Variants in GUK1 observed in about 807,000 individuals in gnomAD.
GUK1 encodes the protein guanylate kinase.
Under a neutral mutation model 25.2 loss-of-function variants are expected in GUK1, and 18 were observed. The observed-to-expected ratio is 0.71, with a 90% CI of 0.49 to 1.06. GUK1 has a LOEUF of 1.06. Ranked by LOEUF, GUK1 falls within the 50% of genes least tolerant of loss-of-function variation. GUK1 has a pLI of 0.00. For missense variants in GUK1, 261 were observed against 276.7 expected (o/e 0.94, Z 0.40); for synonymous variants, 105 against 117.6 (o/e 0.89, Z 0.69).
rs1172499530 is a variant in GUK1 at position 228,140,346 on chromosome 1, G to GC, written c.-183dup. The GC allele has an allele frequency of 2.0e-6, 3 of 1,525,820 alleles. No homozygotes were observed. The highest frequency in any genetic ancestry group is 2.6e-6 in the Non-Finnish European group (3 of 1,144,428). The allele number at this position is 1,525,820 out of a possible 1,614,324, so 94.5% of individuals were successfully genotyped here. A position where few individuals can be genotyped will look rare whatever the true frequency, so the allele number is the denominator to read the frequency against. ...GCCGGGCTGGCTGCGGCCGCCCTGG[G>GC]CCGGGCCCCACCGGACGGTGAGTAC... On this transcript the variant is annotated 5_prime_UTR_variant, in exon 1 of 9. Transcript: ENST00000312726.
chr1:228,146,819 G>A (rs755984584), intron 4 of GUK1, 23 bp from the exon 4 acceptor site: 1 of 1,543,636 alleles, frequency 6.5e-7, no homozygotes, highest in South Asian at 1.1e-5. Flanking sequence ...TCTGCCCTCT[G>A]GATGGCCCCT....
chr1:228,141,495 C>A, intron 2 of GUK1: 1 of 422,884 alleles, frequency 2.4e-6, no homozygotes, highest in Non-Finnish European at 3.3e-6. Context: ...AGAGCCCAGG[C>A]CCACGTCTGG....
At position 228,140,381 on chromosome 1, in the gene GUK1, G is replaced by A; in HGVS notation, c.-168+18G>A. 1 of 1,495,856 alleles carries A rather than the reference G, an allele frequency of 6.7e-7. No homozygotes were observed. Among genetic ancestry groups the A allele is most frequent in the Non-Finnish European group, 8.9e-7 (1 of 1,127,990 alleles). The allele number at this position is 1,495,856 out of a possible 1,614,324, so 92.7% of individuals were successfully genotyped here. A position where few individuals can be genotyped will look rare whatever the true frequency, so the allele number is the denominator to read the frequency against. ...ACCGGACGGTGAGTACGACAAGCGC[G>A]ATCGCGAGGGTGACTCGGGTCGAGG... On this transcript the variant is annotated intron_variant, in intron 1 of 8. Transcript: ENST00000312726.
In GUK1 at chr1:228,142,202, C is replaced by T. The variant is rs190459854; in HGVS notation, c.-3+914C>T. Among the ~76,000 whole-genome samples the T allele has an allele frequency of 1.3e-4, 20 of 152,396 alleles. No homozygotes were observed. In the East Asian group the frequency reaches 3.9e-3, roughly 29 times the overall value. On this transcript the variant is annotated intron_variant, in intron 2 of 8. Transcript: ENST00000312726. ...GCATCCACTCACTGTCTGCCCTCTG[C>T]ACTCTCTGGCTGGCCAGGGCCCCCA...
rs1210675031 is a variant in GUK1, at chr1:228,147,405, G to C, written c.252-1G>C. 15 of 1,609,296 alleles carry C rather than the reference G, an allele frequency of 9.3e-6. No homozygotes were observed. The highest frequency in any genetic ancestry group is 1.3e-5 in the Non-Finnish European group (15 of 1,178,642). On this transcript the variant is annotated splice_acceptor_variant, in intron 5 of 8. Transcript: ENST00000312726. LOFTEE classifies it high-confidence loss of function. ...CCTGCTGACCTGGCACCTCTCCCCA[G>C]CAAGGTGGCGGTGCAGGCCGTGCAG... is the stretch of plus-strand genomic sequence containing the variant.
rs1055302974 is a variant in GUK1, at chr1:228,144,741, C to T, written c.-2-770C>T. 6 of 984,878 alleles carry T rather than the reference C, an allele frequency of 6.1e-6. No individual in the cohort carries two copies. In the African/African-American group the frequency reaches 1.0e-4, roughly 17 times the overall value. The allele number at this position is 984,878 out of a possible 1,614,324, so 61.0% of individuals were successfully genotyped here. A position where few individuals can be genotyped will look rare whatever the true frequency, so the allele number is the denominator to read the frequency against. On this transcript the variant is annotated intron_variant, in intron 2 of 8. Coordinates refer to ENST00000312726, the MANE Select transcript of GUK1 (RefSeq NM_000858.7). ...CCCAGGCTGACTACAGAGGCTGCAC[C>T]TCAGCAAACAGGTAGGCCCTGTTCT... is the stretch of plus-strand genomic sequence containing the variant.
intron 3 of GUK1, 131 bp from the exon 3 acceptor site, chr1:228,145,895 G>A (rs923868679): frequency 1.8e-5 from 14 of 776,012 alleles, no homozygotes; most frequent in South Asian, 1.4e-4. Context: ...AGGCTCCTGC[G>A]CCTTCCCAGT....
At chr1:228,148,523 T>G in intron 8 of GUK1, 67 bp downstream of exon 7, 1 of 1,411,816 alleles carries the variant, frequency 7.1e-7, no homozygotes. Flanking sequence ...GCCTTTGTTG[T>G]CCATGAGGCC....
Position 228,146,900 on chromosome 1 carries a change from CGAGCATG to C in GUK1, c.214_220del (p.Glu72ProfsTer21). On this transcript the variant is annotated frameshift_variant, in exon 5 of 9. Transcript: ENST00000312726. LOFTEE classifies it high-confidence loss of function. ...GTGACATAGCAGCCGGCGACTTCAT[CGAGCATG>C]CCGAGTTCTCGGGGAACCTGTATGG... The C allele has an allele frequency of 6.2e-7, 1 of 1,613,742 alleles. No homozygotes were observed. The highest frequency in any genetic ancestry group is 8.5e-7 in the Non-Finnish European group (1 of 1,179,682).
At chr1:228,140,168 T>C, upstream of GUK1, 2 of 751,796 alleles carry the variant, frequency 2.7e-6, no homozygotes, top group Admixed American at 2.7e-5. Flanking sequence ...AGGTAAGTAC[T>C]TCCCTAAGGG....
At chr1:228,143,861 A>G (rs1365354870) in intron 2 of GUK1, among the ~76,000 whole-genome samples, 2 of 152,154 alleles carry the variant, frequency 1.3e-5, no homozygotes, top group Non-Finnish European at 2.9e-5. Flanking sequence ...GCTTGTGACA[A>G]AAAGCCCAGA....
upstream of GUK1, chr1:228,140,234 G>A: frequency 7.5e-7 from 1 of 1,324,868 alleles, no homozygotes; most frequent in Non-Finnish European, 1.0e-6. Context: ...CGTCAGTCTC[G>A]CGCGCGGGCG....
intron 2 of GUK1, chr1:228,141,879 G>A (rs1251151100): frequency 6.8e-6 from 6 of 877,440 alleles, no homozygotes; most frequent in South Asian, 2.3e-5. Flanking sequence ...GCTGATTGGA[G>A]TTTGCGACTG....
At chr1:228,141,775 G>A (rs761537854) in intron 2 of GUK1, 5 of 1,286,072 alleles carry the variant, frequency 3.9e-6, no homozygotes, top group African/African-American at 1.6e-5. Context: ...CTGCGCCGGC[G>A]GCTCCCAGGA....
chr1:228,148,235 C>T (rs1006262006), intron 7 of GUK1, 136 bp from the exon 7 acceptor site: 1 of 737,390 alleles, frequency 1.4e-6, no homozygotes, highest in Admixed American at 2.0e-5. Flanking sequence ...CCTGCACAGG[C>T]CCGGCTGGGC....
At chr1:228,141,499 C>T (rs2034044580) in intron 2 of GUK1, 2 of 431,510 alleles carry the variant, frequency 4.6e-6, no homozygotes, top group Non-Finnish European at 6.5e-6. Flanking sequence ...CCCAGGCCCA[C>T]GTCTGGTGGT....
chr1:228,146,928 T>A lies in GUK1; in HGVS notation c.241T>A (p.Tyr81Asn), dbSNP rs1466039535. 1 of 1,610,278 alleles carries A rather than the reference T, an allele frequency of 6.2e-7. No homozygotes were observed. The highest frequency in any genetic ancestry group is 8.5e-7 in the Non-Finnish European group (1 of 1,176,584). Reference sequence around the variant, plus strand: ...GCATGCCGAGTTCTCGGGGAACCTGTATGGCACGAGGTGGGCCATGCGTGG... The same window carrying A: ...GCATGCCGAGTTCTCGGGGAACCTGAATGGCACGAGGTGGGCCATGCGTGG... Residue 81 changes from tyrosine (Y) to asparagine (N), a missense_variant, in exon 5 of 9, where the codon TAT becomes AAT. Physicochemically the swap from Tyr to Asn is moderately radical, Grantham distance 143. Coordinates refer to ENST00000312726, the MANE Select transcript of GUK1 (RefSeq NM_000858.7).
chr1:228,140,721 G>C (rs929817991), intron 1 of GUK1, among the ~76,000 whole-genome samples: 1 of 152,246 alleles, frequency 6.6e-6, no homozygotes, highest in African/African-American at 2.4e-5. Flanking sequence ...CGCGGTGTGC[G>C]CTCCGGTTCC....
At chr1:228,148,158 T>A in intron 7 of GUK1, 1 of 653,978 alleles carries the variant, frequency 1.5e-6, no homozygotes, top group South Asian at 1.6e-5. Context: ...AGACCCAAGT[T>A]CTGGGGCTCC....
Sources: allele counts gnomAD v4.1 joint callset (sites outside exome capture counted in the v4.1 genomes callset), GRCh38; gene constraint gnomAD v4.1.1; transcripts MANE v1.5; gene names NCBI Gene and HGNC (gene_info 2026-07-23, HGNC 2026-07-21).